CCNY: variants seen among roughly 807,000 people sequenced by gnomAD.
CCNY encodes the protein cyclin Y, also known as cyclin-Y.
A neutral mutation model predicts 42.8 loss-of-function variants in CCNY; 19 were observed. That is an observed-to-expected ratio of 0.44 (90% CI 0.31 to 0.65). The LOEUF (loss-of-function observed/expected upper bound fraction) is 0.65. CCNY is among the 30% of genes least tolerant of loss of function. CCNY has a pLI of 0.07. For missense variants in CCNY, 370 were observed against 437.3 expected (o/e 0.85, Z 1.37); for synonymous variants, 165 against 162.7 (o/e 1.01, Z -0.11).
At chr10:35,467,541 T>C (rs1284482894) in intron 1 of CCNY, among the ~76,000 whole-genome samples, 1 of 152,244 alleles carries the variant, frequency 6.6e-6, no homozygotes, top group African/African-American at 2.4e-5. Flanking sequence ...AGTTTGTGTC[T>C]AGCACCAATA....
Position 35,570,552 on chromosome 10 carries a change from A to G in CCNY, c.*1382A>G, listed in dbSNP as rs1841666445. ...GATATGAAATCTAAGAGTGTGAGTC[A>G]CTTGCATATGTAATGCTTTGGGTTT... On this transcript the variant is annotated 3_prime_UTR_variant, in exon 10 of 10. Transcript: ENST00000374704. 1 of 152,356 alleles carries G rather than the reference A, an allele frequency of 6.6e-6. No homozygotes were observed. Among genetic ancestry groups the G allele is most frequent in the African/African-American group, 2.4e-5 (1 of 41,460 alleles). The allele number at this position is 152,356 out of a possible 1,614,324, so 9.4% of individuals were successfully genotyped here. A position where few individuals can be genotyped will look rare whatever the true frequency, so the allele number is the denominator to read the frequency against.
chr10:35,313,355 C>G (rs1835712291), intron 3 of CCNY, among the ~76,000 whole-genome samples: 1 of 152,190 alleles, frequency 6.6e-6, no homozygotes, highest in African/African-American at 2.4e-5. Flanking sequence ...TATATTAAGG[C>G]ACTGAAGTAG....
At chr10:35,266,675 G>A (rs1166410004) in intron 3 of CCNY, among the ~76,000 whole-genome samples, 1 of 152,104 alleles carries the variant, frequency 6.6e-6, no homozygotes, top group Non-Finnish European at 1.5e-5. Flanking sequence ...GGGGGGAATC[G>A]TTAGCATCAG....
At position 35,570,515 on chromosome 10, in the gene CCNY, A is replaced by C. The variant is rs1841665765; in HGVS notation, c.*1345A>C. On this transcript the variant is annotated 3_prime_UTR_variant, in exon 10 of 10. Coordinates refer to ENST00000374704, the MANE Select transcript of CCNY (RefSeq NM_145012.6). ...AATGAAAGTTGATGATAGAATATCA[A>C]ATAGTGAATTTGATATGAAATCTAA... The C allele has an allele frequency of 6.6e-6, 1 of 152,360 alleles. No individual in the cohort carries two copies. Among genetic ancestry groups the C allele is most frequent in the Admixed American group, 6.5e-5 (1 of 15,284 alleles). 9.4% of individuals were successfully genotyped at this position (152,360 alleles called of 1,614,324 possible). A position where few individuals can be genotyped will look rare whatever the true frequency, so the allele number is the denominator to read the frequency against.
chr10:35,383,533 C>A (rs1032780934), intron 1 of CCNY, among the ~76,000 whole-genome samples: 1 of 152,178 alleles, frequency 6.6e-6, no homozygotes, highest in African/African-American at 2.4e-5. Flanking sequence ...GTCTCAAACT[C>A]CTGACCGCAG....
At chr10:35,266,869 A>T (rs1680145341) in intron 3 of CCNY, among the ~76,000 whole-genome samples, 1 of 151,976 alleles carries the variant, frequency 6.6e-6, no homozygotes, top group African/African-American at 2.4e-5. Context: ...GGATCTCCTG[A>T]GATCAGGAGT....
At chr10:35,377,652 T>TAA (rs1305542104) in intron 1 of CCNY, among the ~76,000 whole-genome samples, 1 of 152,228 alleles carries the variant, frequency 6.6e-6, no homozygotes, top group African/African-American at 2.4e-5. Flanking sequence ...TACAACTCAA[T>TAA]AATGGAAATT....
At position 35,340,684 on chromosome 10, in the gene CCNY, A is replaced by T. The variant is rs138279017; in HGVS notation, c.154+3477A>T. 2.0e-5 allele frequency among the ~76,000 whole-genome samples: 3 copies of T among 152,100 alleles called. No homozygotes were observed. In the East Asian group the frequency reaches 5.8e-4, roughly 29 times the overall value. On this transcript the variant is annotated intron_variant, in intron 1 of 9. Transcript: ENST00000374704. The stretch of plus-strand genomic sequence containing the variant: ...CACGCCTGGCTAATTTTGTATTTTT[A>T]GTAGAGATGGGGTTTCTCCATATTT...
At chr10:35,304,300 T>A (rs77358195) in intron 3 of CCNY, among the ~76,000 whole-genome samples, 19,473 of 61,950 alleles carry the variant, frequency 0.31, 5,980 homozygotes, top group Non-Finnish European at 0.35. Flanking sequence ...TTTTATTTTT[T>A]TTTTTTTTTT....
At chr10:35,303,352 G>C (rs1206236187) in intron 3 of CCNY, among the ~76,000 whole-genome samples, 1 of 151,396 alleles carries the variant, frequency 6.6e-6, no homozygotes, top group Non-Finnish European at 1.5e-5. Context: ...GGCTAATTTT[G>C]TATTTTCAGT....
intron 8 of CCNY, among the ~76,000 whole-genome samples, chr10:35,560,124 C>T (rs1435758514): frequency 6.6e-6 from 1 of 152,190 alleles, no homozygotes; most frequent in Non-Finnish European, 1.5e-5. Context: ...ATACCTCAAT[C>T]TTCACCCATA....
intron 7 of CCNY, among the ~76,000 whole-genome samples, chr10:35,538,977 G>A (rs747837598): frequency 4.6e-5 from 7 of 152,110 alleles, no homozygotes; most frequent in South Asian, 2.1e-4. Context: ...GTCCACATTC[G>A]TTCTTGTGCA....
intron 2 of CCNY, among the ~76,000 whole-genome samples, chr10:35,489,355 C>T (rs556820223): frequency 7.9e-5 from 12 of 152,080 alleles, no homozygotes; most frequent in East Asian, 3.9e-4. Flanking sequence ...GGCTGGAGTG[C>T]GGTGGCACTA....
At chr10:35,567,573 C>G (rs978308869) in intron 9 of CCNY, among the ~76,000 whole-genome samples, 2 of 152,250 alleles carry the variant, frequency 1.3e-5, no homozygotes, top group Admixed American at 1.3e-4. Context: ...GCTGCCCACA[C>G]CACTGCCCAT....
chr10:35,513,316 G>A (rs1840359815), intron 3 of CCNY, among the ~76,000 whole-genome samples: 1 of 152,052 alleles, frequency 6.6e-6, no homozygotes, highest in Admixed American at 6.5e-5. Context: ...AGCAGTTCGT[G>A]GTTAACTCTG....
intron 3 of CCNY, among the ~76,000 whole-genome samples, chr10:35,290,521 T>A (rs1211728777): frequency 6.6e-6 from 1 of 152,246 alleles, no homozygotes; most frequent in African/African-American, 2.4e-5. Context: ...TTCGTTGATT[T>A]ATTTTTTATT....
In CCNY at chr10:35,506,742, G is replaced by A. The variant is rs574203435; in HGVS notation, c.264+5207G>A. On this transcript the variant is annotated intron_variant, in intron 3 of 9. Coordinates refer to ENST00000374704, the MANE Select transcript of CCNY (RefSeq NM_145012.6). ...CTTGTTAAGACACACAAGTGACGGG[G>A]CCACTGAGCTGTTGTTATGATTTAG... Among the ~76,000 whole-genome samples, 10 of 152,218 alleles carry A rather than the reference G, an allele frequency of 6.6e-5. No homozygotes were observed. In the East Asian group the frequency reaches 1.7e-3, roughly 26 times the overall value.
At chr10:35,508,391 G>A (rs1372752131) in intron 3 of CCNY, among the ~76,000 whole-genome samples, 2 of 152,176 alleles carry the variant, frequency 1.3e-5, no homozygotes, top group Non-Finnish European at 2.9e-5. Context: ...CTTGTGACAT[G>A]CTCCATCCTT....
intron 1 of CCNY, among the ~76,000 whole-genome samples, chr10:35,418,547 G>A (rs966026561): frequency 6.6e-6 from 1 of 152,184 alleles, no homozygotes; most frequent in Non-Finnish European, 1.5e-5. Flanking sequence ...TGTGCATTCA[G>A]GTGGTGTGGT....
Sources: allele counts gnomAD v4.1 joint callset (sites outside exome capture counted in the v4.1 genomes callset), GRCh38; gene constraint gnomAD v4.1.1; transcripts MANE v1.5; gene names NCBI Gene and HGNC (gene_info 2026-07-23, HGNC 2026-07-21).